Variants in GPM6B observed in about 807,000 individuals in gnomAD.
GPM6B encodes the protein neuronal membrane glycoprotein M6-b.
Under a neutral mutation model 27.2 loss-of-function variants are expected in GPM6B, and 4 were observed. That is an observed-to-expected ratio of 0.15 (90% CI 0.07 to 0.34). GPM6B has a LOEUF of 0.34. Ranked by LOEUF, GPM6B falls within the 10% of genes least tolerant of loss-of-function variation. The pLI is 1.00. For synonymous variants in GPM6B, 124 were observed against 103.1 expected (o/e 1.20, Z -1.23); for missense variants, 183 against 261.9 (o/e 0.70, Z 2.08).
chrX:13,922,614 T>C (rs760943867), intron 1 of GPM6B, among the ~76,000 whole-genome samples: 101 of 112,243 alleles, frequency 9.0e-4, no homozygotes, highest in Non-Finnish European at 1.8e-3. Flanking sequence ...ATATGAGTTT[T>C]TCTTTTTAAT....
At chrX:13,807,042 C>A (rs181399281) in intron 2 of GPM6B, among the ~76,000 whole-genome samples, 1 of 112,005 alleles carries the variant, frequency 8.9e-6, no homozygotes, top group Non-Finnish European at 1.9e-5. Flanking sequence ...CAGCACCTAG[C>A]GGTTCTGAAT....
At chrX:13,937,316 CA>C (rs1385185351) in intron 1 of GPM6B, among the ~76,000 whole-genome samples, 1 of 111,509 alleles carries the variant, frequency 9.0e-6, no homozygotes, top group Non-Finnish European at 1.9e-5. Context: ...CTTTGAAATG[CA>C]AAAAAGTGCC....
intron 1 of GPM6B, among the ~76,000 whole-genome samples, chrX:13,835,895 A>T (rs1239789936): frequency 8.9e-6 from 1 of 112,229 alleles, no homozygotes; most frequent in Non-Finnish European, 1.9e-5. Flanking sequence ...TAAAACACAG[A>T]GGTACACCAT....
At chrX:13,856,204 A>G (rs927849741) in intron 1 of GPM6B, among the ~76,000 whole-genome samples, 4 of 111,884 alleles carry the variant, frequency 3.6e-5, no homozygotes, top group African/African-American at 1.3e-4. Context: ...AATCCTCCCC[A>G]TGTTGGCTCT....
At chrX:13,817,807 A>C (rs962916845), upstream of GPM6B, among the ~76,000 whole-genome samples, 6 of 112,443 alleles carry the variant, frequency 5.3e-5, no homozygotes, top group Non-Finnish European at 1.1e-4. Flanking sequence ...TATGATAGTA[A>C]GAGAAACTCA....
At chrX:13,777,524 G>C (rs1436468249) in intron 5 of GPM6B, 99 bp from the exon 6 acceptor site, 2 of 539,921 alleles carry the variant, frequency 3.7e-6, no homozygotes, top group Admixed American at 5.3e-5. Context: ...TGTAATTGTA[G>C]GCTATGTTCT....
intron 1 of GPM6B, among the ~76,000 whole-genome samples, chrX:13,826,976 CCT>C (rs1487518793): frequency 6.3e-5 from 7 of 110,415 alleles, no homozygotes; most frequent in Non-Finnish European, 1.3e-4. Flanking sequence ...CTTCCAGACT[CCT>C]CTTTGTTAGC....
intron 1 of GPM6B, among the ~76,000 whole-genome samples, chrX:13,856,310 A>C (rs2049778758): frequency 8.9e-6 from 1 of 111,743 alleles, no homozygotes; most frequent in African/African-American, 3.3e-5. Context: ...GACCAAAGGC[A>C]ATAAAGGAAA....
intron 1 of GPM6B, among the ~76,000 whole-genome samples, chrX:13,844,329 G>A (rs780945944): frequency 8.9e-6 from 1 of 112,330 alleles, no homozygotes; most frequent in South Asian, 3.7e-4. Context: ...ATTCCATTTT[G>A]AAAGAACTCT....
intron 1 of GPM6B, 38 bp from the exon 2 acceptor site, chrX:13,807,807 C>G: frequency 8.8e-7 from 1 of 1,139,146 alleles, no homozygotes; most frequent in South Asian, 2.1e-5. Flanking sequence ...GTGTCTCTAT[C>G]TCCAGCAAAG....
chrX:13,888,967 TACAA>T (rs767382276), intron 1 of GPM6B: 3 of 111,809 alleles, frequency 2.7e-5, no homozygotes, highest in Admixed American at 9.5e-5. Context: ...GGCTTGAATA[TACAA>T]ACAATTTACC....
chrX:13,866,373 G>C (rs1416056401), intron 1 of GPM6B, among the ~76,000 whole-genome samples: 1 of 112,017 alleles, frequency 8.9e-6, no homozygotes, highest in East Asian at 2.8e-4. Context: ...CAAAAAAGTA[G>C]GAAGAGGTCA....
At chrX:13,803,623 T>C (rs1272097051) in intron 2 of GPM6B, among the ~76,000 whole-genome samples, 1 of 112,288 alleles carries the variant, frequency 8.9e-6, no homozygotes, top group African/African-American at 3.2e-5. Flanking sequence ...CCATTCTTAG[T>C]CCACTAAAAA....
chrX:13,777,487 C>A (rs2048436692), intron 5 of GPM6B, 62 bp from the exon 6 acceptor site: 3 of 746,743 alleles, frequency 4.0e-6, no homozygotes, highest in Admixed American at 2.3e-5. Context: ...TCTTAACAGA[C>A]CCCACCACTT....
intron 1 of GPM6B, among the ~76,000 whole-genome samples, chrX:13,911,003 A>G (rs781159913): frequency 4.5e-5 from 5 of 112,259 alleles, no homozygotes; most frequent in Non-Finnish European, 9.4e-5. Flanking sequence ...GAATTGTTCT[A>G]TGCACTTCAC....
rs775378112 is a variant in GPM6B at position 13,922,349 on chromosome X, C to A, written c.-198+15978G>T. 7.2e-5 allele frequency among the ~76,000 whole-genome samples: 8 copies of A among 111,656 alleles called. No homozygotes were observed. The South Asian group carries it at 3.0e-3, about 42-fold the overall frequency. On this transcript the variant is annotated intron_variant, in intron 1 of 6. Transcript: ENST00000398361. The stretch of plus-strand genomic sequence containing the variant: ...AAGGTCTCCAGACATTGCCAACTGT[C>A]CCTTGAGGGGGACAGAATCTACCCT...
chrX:13,852,606 A>G (rs1303461481), intron 1 of GPM6B, among the ~76,000 whole-genome samples: 5 of 110,639 alleles, frequency 4.5e-5, no homozygotes, highest in Admixed American at 9.7e-5. Flanking sequence ...TTTAATTCAC[A>G]TGAGAAAACT....
chrX:13,790,863 A>G (rs1046355396), intron 2 of GPM6B, among the ~76,000 whole-genome samples: 19 of 94,788 alleles, frequency 2.0e-4, no homozygotes, highest in Non-Finnish European at 3.2e-4. Context: ...GCAGATTTCT[A>G]AACACACACA....
intron 1 of GPM6B, among the ~76,000 whole-genome samples, chrX:13,924,008 A>C (rs934827368): frequency 1.8e-5 from 2 of 112,058 alleles, no homozygotes; most frequent in African/African-American, 6.5e-5. Context: ...TGGGTCTTCC[A>C]CCTGTTTTAT....
Sources: allele counts gnomAD v4.1 joint callset (sites outside exome capture counted in the v4.1 genomes callset), GRCh38; gene constraint gnomAD v4.1.1; transcripts MANE v1.5; gene names NCBI Gene and HGNC (gene_info 2026-07-23, HGNC 2026-07-21).